Variants in TMPRSS6 observed in about 807,000 individuals in gnomAD.
The protein encoded by TMPRSS6 is transmembrane serine protease 6.
Under a neutral mutation model 101.5 loss-of-function variants are expected in TMPRSS6, and 67 were observed. The observed-to-expected ratio is 0.66, with a 90% CI of 0.54 to 0.81. The LOEUF is 0.81. Among genes scored for constraint, TMPRSS6 ranks in the 30% least tolerant of loss-of-function variants. The pLI, the probability that TMPRSS6 is intolerant of heterozygous loss-of-function variation, is 0.00. For missense variants in TMPRSS6, 1,034 were observed against 1,088.7 expected (o/e 0.95, Z 0.71); for synonymous variants, 453 against 464.9 (o/e 0.97, Z 0.33).
chr22:37,088,497 A>G (rs1256519806), intron 7 of TMPRSS6, among the ~76,000 whole-genome samples: 1 of 152,142 alleles, frequency 6.6e-6, no homozygotes, highest in Non-Finnish European at 1.5e-5. Flanking sequence ...CCCAGCCCAG[A>G]GCATCTTCCC....
rs1183103668 is a variant in TMPRSS6, at chr22:37,095,796, C to T, written c.589+110G>A. On this transcript the variant is annotated intron_variant, in intron 5 of 17. Transcript: ENST00000676104. The stretch of plus-strand genomic sequence containing the variant: ...TCACCTGGGGGGCTCTCCTGGGGGG[C>T]CCACCCTGACAGCACCCCAGGCCTG... The T allele has an allele frequency of 1.4e-5, 20 of 1,440,376 alleles. No individual in the cohort carries two copies. The South Asian group carries it at 1.5e-4, about 11-fold the overall frequency. The allele number at this position is 1,440,376 out of a possible 1,614,324, so 89.2% of individuals were successfully genotyped here.
At position 37,069,032 on chromosome 22, in the gene TMPRSS6, C is replaced by T. The variant is rs377498210; in HGVS notation, c.2113+41G>A. ...CCAGGTGTTACGGCGCAGATCCGCA[C>T]GGTCTCCCTCCGCCTCCCGCCGCAA... On this transcript the variant is annotated intron_variant, in intron 16 of 17. Coordinates refer to ENST00000676104, the MANE Select transcript of TMPRSS6 (RefSeq NM_001374504.1). This position sits in a 1 kb window ranked among gnomAD's most constrained non-coding sequence, Gnocchi z 4.8. The T allele has an allele frequency of 6.9e-4, 1,052 of 1,533,044 alleles. 9 individuals are homozygous for T. In the African/African-American group the frequency reaches 0.013, roughly 18 times the overall value. 95.0% of individuals were successfully genotyped at this position (1,533,044 alleles called of 1,614,324 possible). A position where few individuals can be genotyped will look rare whatever the true frequency, so the allele number is the denominator to read the frequency against.
At chr22:37,078,620 TG>T (rs1191339030) in intron 10 of TMPRSS6, among the ~76,000 whole-genome samples, 1 of 152,042 alleles carries the variant, frequency 6.6e-6, no homozygotes, top group Non-Finnish European at 1.5e-5. Context: ...ATGTAGAAAT[TG>T]CTTCATTGAG....
chr22:37,068,956 G>C, intron 16 of TMPRSS6, 117 bp downstream of exon 16: 1 of 1,462,284 alleles, frequency 6.8e-7, no homozygotes, highest in African/African-American at 1.4e-5. Flanking sequence ...CCCAGCACTA[G>C]AGGGCCTATG....
At chr22:37,102,246 C>T (rs1569027170) in intron 2 of TMPRSS6, among the ~76,000 whole-genome samples, 1 of 152,370 alleles carries the variant, frequency 6.6e-6, no homozygotes, top group Non-Finnish European at 1.5e-5. Flanking sequence ...CTTCCCAGCC[C>T]TCAGCTTCCT....
chr22:37,090,958 C>G (rs189303843), intron 6 of TMPRSS6, among the ~76,000 whole-genome samples: 3 of 152,176 alleles, frequency 2.0e-5, no homozygotes, highest in Non-Finnish European at 4.4e-5. Context: ...CTCACGGCTG[C>G]CTCACTTCAC....
chr22:37,108,582 G>A (rs1930860374), intron 1 of TMPRSS6, among the ~76,000 whole-genome samples: 1 of 152,186 alleles, frequency 6.6e-6, no homozygotes, highest in Admixed American at 6.5e-5. Flanking sequence ...AGCTCCTTGG[G>A]GCGGGGCCGC....
intron 10 of TMPRSS6, among the ~76,000 whole-genome samples, chr22:37,075,956 AG>A (rs1029603875): frequency 2.7e-5 from 4 of 149,746 alleles, no homozygotes; most frequent in Non-Finnish European, 4.4e-5. Flanking sequence ...GAAAGAAGGA[AG>A]GAAGGGAGGG....
In TMPRSS6 at chr22:37,065,888, G is replaced by C; in HGVS notation, c.*192C>G. 1.4e-6 allele frequency: 1 copy of C among 717,570 alleles called. No homozygotes were observed. The highest frequency in any genetic ancestry group is 2.3e-6 in the Non-Finnish European group (1 of 436,676). 44.5% of individuals were successfully genotyped at this position (717,570 alleles called of 1,614,324 possible). On this transcript the variant is annotated 3_prime_UTR_variant, in exon 18 of 18. Transcript: ENST00000676104. ...TCCTCAGGGGACGTCTTGACCCCCAGCTGCTGGCACTTCTCCATCCTCCTG... is the reference window on the plus strand; with the variant it reads ...TCCTCAGGGGACGTCTTGACCCCCACCTGCTGGCACTTCTCCATCCTCCTG...
chr22:37,081,771 C>T (rs893260769), intron 10 of TMPRSS6, among the ~76,000 whole-genome samples: 9 of 152,210 alleles, frequency 5.9e-5, no homozygotes, highest in African/African-American at 1.9e-4. Flanking sequence ...GGACAAGAGG[C>T]CAAGTCCTTA....
chr22:37,099,064 A>G (rs1218054217), intron 2 of TMPRSS6, among the ~76,000 whole-genome samples: 1 of 152,258 alleles, frequency 6.6e-6, no homozygotes, highest in Non-Finnish European at 1.5e-5. Context: ...ACCACACAGC[A>G]TGTGGCATCT....
chr22:37,086,090 G>C (rs905003952), intron 8 of TMPRSS6, among the ~76,000 whole-genome samples, 193 bp downstream of exon 8: 2 of 151,000 alleles, frequency 1.3e-5, no homozygotes, highest in Non-Finnish European at 1.5e-5. Flanking sequence ...GGGGAAGAGG[G>C]GGGTGGAAGT....
At position 37,075,254 on chromosome 22, in the gene TMPRSS6, G is replaced by A. The variant is rs755795871; in HGVS notation, c.1223C>T (p.Pro408Leu). The change falls in exon 11 of 18, where the codon CCC becomes CTC. Residue 408 changes from proline (P) to leucine (L), a missense_variant. Transcript: ENST00000676104. The stretch of plus-strand genomic sequence containing the variant: ...CACCACGGGGATCCTCTCGGCGTAG[G>A]GCTGCAGGATGCGCAAGCCACACAG... Reference protein sequence around the residue: ...RRLCGLRILQPYAERIPVVAT... With the variant: ...RRLCGLRILQLYAERIPVVAT... 1.6e-5 allele frequency: 26 copies of A among 1,613,616 alleles called. No homozygotes were observed. Among genetic ancestry groups the A allele is most frequent in the Non-Finnish European group, 1.9e-5 (23 of 1,180,000 alleles).
rs964576902 is a variant in TMPRSS6 at position 37,095,946 on chromosome 22, C to A, written c.549G>T (p.Arg183Ser). The A allele has an allele frequency of 4.3e-6, 7 of 1,614,060 alleles. No individual in the cohort carries two copies. The Admixed American group carries it at 1.2e-4, about 27-fold the overall frequency. Reference sequence around the variant, plus strand: ...CCTCGGGGTCCACTTCGTACTCGGCCCTGTAGGGGACGGCAGCCGAGCTGT... The same window carrying A: ...CCTCGGGGTCCACTTCGTACTCGGCACTGTAGGGGACGGCAGCCGAGCTGT... The part of the protein sequence containing the change: ...TVNSSAAVPY[R>S]AEYEVDPEGL... Residue 183 changes from arginine to serine, a missense_variant, in exon 5 of 18, where the codon AGG (arginine) becomes AGT (serine). Coordinates refer to ENST00000676104, the MANE Select transcript of TMPRSS6 (RefSeq NM_001374504.1).
intron 6 of TMPRSS6, among the ~76,000 whole-genome samples, chr22:37,093,269 T>C (rs762599126): frequency 3.3e-5 from 5 of 151,916 alleles, no homozygotes; most frequent in Admixed American, 1.3e-4. Flanking sequence ...ACAGAACAAC[T>C]GCCAGGAACA....
intron 10 of TMPRSS6, among the ~76,000 whole-genome samples, chr22:37,075,497 C>T (rs554266488): frequency 1.3e-5 from 2 of 152,320 alleles, no homozygotes; most frequent in East Asian, 3.9e-4. Flanking sequence ...TCTTCAATGG[C>T]TCCCCATTGC....
At chr22:37,071,865 G>T (rs945313681) in intron 13 of TMPRSS6, among the ~76,000 whole-genome samples, 1 of 152,222 alleles carries the variant, frequency 6.6e-6, no homozygotes. Context: ...TGGACAGACA[G>T]GGGGCTAGGG....
chr22:37,079,798 C>T (rs923663668), intron 10 of TMPRSS6, among the ~76,000 whole-genome samples: 1 of 152,246 alleles, frequency 6.6e-6, no homozygotes. Context: ...AGGCTGTGAG[C>T]TCATGGAGGA....
At chr22:37,097,856 G>A (rs1340337530) in intron 3 of TMPRSS6, among the ~76,000 whole-genome samples, 2 of 120,422 alleles carry the variant, frequency 1.7e-5, no homozygotes, top group Admixed American at 1.6e-4. Context: ...GCGGGCCACC[G>A]TCCTGTAACG....
Sources: gnomAD v4.1 joint callset for allele counts (sites outside exome capture counted in the v4.1 genomes callset) on GRCh38, gnomAD v4.1.1 for gene constraint, Gnocchi (gnomAD v3.1) non-coding constraint, MANE v1.5 for transcripts, NCBI Gene and HGNC (gene_info 2026-07-23, HGNC 2026-07-21) for gene names.